UBE2E2: variants seen among roughly 807,000 people sequenced by gnomAD.
The protein encoded by UBE2E2 is ubiquitin-conjugating enzyme E2 E2.
In UBE2E2, 6 loss-of-function variants were observed where a neutral mutation model predicts 24.7. The observed-to-expected ratio is 0.24, with a 90% CI of 0.13 to 0.48. The LOEUF is 0.48. UBE2E2 is among the 20% of genes least tolerant of loss of function. UBE2E2 has a pLI of 0.99. For synonymous variants in UBE2E2, 104 were observed against 83.6 expected, an observed-to-expected ratio of 1.24 and a Z score of -1.33; for missense variants, 169 against 245.0, an observed-to-expected ratio of 0.69 and a Z score of 2.07.
rs374472982 is a variant in UBE2E2, at chr3:23,443,240, G to C, written c.228-56368G>C. On this transcript the variant is annotated intron_variant, in intron 3 of 5. Coordinates refer to ENST00000396703, the MANE Select transcript of UBE2E2 (RefSeq NM_152653.4). ...AGGAATGACCTCAAATATCATAAAG[G>C]CACCACAGACTATTAGATCTGTCTT... 8.5e-5 allele frequency among the ~76,000 whole-genome samples: 13 copies of C among 152,230 alleles called. No individual in the cohort carries two copies. The East Asian group carries it at 2.5e-3, about 29-fold the overall frequency.
intron 4 of UBE2E2, among the ~76,000 whole-genome samples, chr3:23,500,433 A>G (rs1699695877): frequency 6.6e-6 from 1 of 152,200 alleles, no homozygotes; most frequent in South Asian, 2.1e-4. Flanking sequence ...GAAAGTCTTC[A>G]CATTCTTTTC....
chr3:23,517,196 T>C (rs1017272334), intron 4 of UBE2E2, among the ~76,000 whole-genome samples: 11 of 152,162 alleles, frequency 7.2e-5, no homozygotes, highest in African/African-American at 2.7e-4. Flanking sequence ...TGTAGTGATA[T>C]GTGCCATGCT....
intron 5 of UBE2E2, among the ~76,000 whole-genome samples, chr3:23,540,377 G>A (rs1403525247): frequency 6.8e-6 from 1 of 146,968 alleles, no homozygotes; most frequent in Admixed American, 6.7e-5. Context: ...ACTGAGTAAA[G>A]TTTGATGCCC....
intron 4 of UBE2E2, among the ~76,000 whole-genome samples, chr3:23,509,214 G>A (rs1694528620): frequency 6.6e-6 from 1 of 152,182 alleles, no homozygotes; most frequent in South Asian, 2.1e-4. Flanking sequence ...CTGTAGTACT[G>A]AGCCAGATGA....
intron 3 of UBE2E2, among the ~76,000 whole-genome samples, chr3:23,433,013 C>G (rs1698101312): frequency 2.0e-5 from 3 of 151,840 alleles, no homozygotes; most frequent in South Asian, 4.2e-4. Flanking sequence ...ATTAACAGAA[C>G]TTTTAACTTA....
chr3:23,395,700 G>T (rs1697057316), intron 3 of UBE2E2, among the ~76,000 whole-genome samples: 2 of 152,212 alleles, frequency 1.3e-5, no homozygotes, highest in South Asian at 4.2e-4. Flanking sequence ...GCTAACAAGG[G>T]CATAGTCTTA....
intron 3 of UBE2E2, among the ~76,000 whole-genome samples, chr3:23,304,514 T>G (rs1314490259): frequency 1.3e-5 from 2 of 152,218 alleles, no homozygotes; most frequent in African/African-American, 4.8e-5. Context: ...GTGGCCTTGT[T>G]TACAGTTTTG....
At chr3:23,303,508 A>G (rs1699158038) in intron 3 of UBE2E2, among the ~76,000 whole-genome samples, 1 of 152,122 alleles carries the variant, frequency 6.6e-6, no homozygotes, top group South Asian at 2.1e-4. Context: ...TGTACAATTT[A>G]TTTTTATTGT....
intron 3 of UBE2E2, among the ~76,000 whole-genome samples, chr3:23,464,791 T>C (rs964192783): frequency 1.3e-5 from 2 of 152,222 alleles, no homozygotes; most frequent in Non-Finnish European, 2.9e-5. Flanking sequence ...ACAGTTCTTG[T>C]ACTGCTTACT....
intron 3 of UBE2E2, among the ~76,000 whole-genome samples, chr3:23,469,521 T>C (rs1490208433): frequency 6.6e-6 from 1 of 152,240 alleles, no homozygotes; most frequent in Non-Finnish European, 1.5e-5. Flanking sequence ...GGCATCTTCC[T>C]CCTGTGTTTT....
At chr3:23,270,870 A>G (rs1037771838) in intron 3 of UBE2E2, 23 of 455,164 alleles carry the variant, frequency 5.1e-5, no homozygotes, top group South Asian at 1.1e-4. Context: ...TTTAATTACA[A>G]GTCTCAGATT....
At chr3:23,444,591 A>C (rs1698384738) in intron 3 of UBE2E2, among the ~76,000 whole-genome samples, 1 of 152,226 alleles carries the variant, frequency 6.6e-6, no homozygotes, top group Non-Finnish European at 1.5e-5. Context: ...TTTATAACAC[A>C]GCACCCTGTA....
At chr3:23,203,296 A>C (rs1038607576), upstream of UBE2E2, 1 of 987,374 alleles carries the variant, frequency 1.0e-6, no homozygotes, top group African/African-American at 1.7e-5. Flanking sequence ...CGGCGGGGAC[A>C]GGCGTGGTCG....
chr3:23,434,525 T>A (rs535995142), intron 3 of UBE2E2, among the ~76,000 whole-genome samples: 1 of 152,158 alleles, frequency 6.6e-6, no homozygotes, highest in Non-Finnish European at 1.5e-5. Flanking sequence ...CTCACTATAT[T>A]GTGTAAGTCT....
chr3:23,529,642 A>G (rs1170765076), intron 4 of UBE2E2, among the ~76,000 whole-genome samples: 3 of 151,974 alleles, frequency 2.0e-5, no homozygotes, highest in African/African-American at 2.4e-5. Flanking sequence ...TATTTTCCCT[A>G]TTGAGTTGTT....
intron 3 of UBE2E2, among the ~76,000 whole-genome samples, chr3:23,476,487 G>A (rs1463295401): frequency 2.6e-5 from 4 of 152,050 alleles, no homozygotes; most frequent in Non-Finnish European, 5.9e-5. Flanking sequence ...TTGAGGCCAG[G>A]AGTTTGAGAC....
intron 4 of UBE2E2, among the ~76,000 whole-genome samples, chr3:23,510,830 C>G (rs1033483061): frequency 6.6e-5 from 10 of 152,246 alleles, no homozygotes; most frequent in African/African-American, 2.4e-4. Context: ...GCCCCTACTA[C>G]TTTCCAGGCC....
chr3:23,532,785 T>TACC, intron 5 of UBE2E2, 84 bp downstream of exon 5: 1 of 1,209,002 alleles, frequency 8.3e-7, no homozygotes, highest in African/African-American at 1.5e-5. Flanking sequence ...CTACTGCTAC[T>TACC]ACCACTACCA....
At chr3:23,386,145 G>A (rs774186280) in intron 3 of UBE2E2, among the ~76,000 whole-genome samples, 6 of 152,150 alleles carry the variant, frequency 3.9e-5, no homozygotes, top group Non-Finnish European at 7.4e-5. Context: ...TTGGAATGCC[G>A]TAACAAAATA....
Sources: allele counts gnomAD v4.1 joint callset (sites outside exome capture counted in the v4.1 genomes callset), GRCh38; gene constraint gnomAD v4.1.1; transcripts MANE v1.5; gene names NCBI Gene and HGNC (gene_info 2026-07-23, HGNC 2026-07-21).